NR6A1: variants seen among roughly 807,000 people sequenced by gnomAD.
NR6A1 encodes the protein retinoic acid receptor-related testis-associated receptor.
A neutral mutation model predicts 59.1 loss-of-function variants in NR6A1; 7 were observed. The ratio of observed to expected loss-of-function variants is 0.12; its 90% CI spans 0.07 to 0.22. The LOEUF (loss-of-function observed/expected upper bound fraction) is 0.22, where lower values mean the gene tolerates loss of function less well. Among genes scored for constraint, NR6A1 ranks in the 10% least tolerant of loss-of-function variants. The pLI, the probability that NR6A1 is intolerant of heterozygous loss-of-function variation, is 1.00. For synonymous variants in NR6A1, 243 were observed against 236.1 expected (o/e 1.03, Z -0.27); for missense variants, 468 against 611.6 (o/e 0.77, Z 2.48).
intron 2 of NR6A1, among the ~76,000 whole-genome samples, chr9:124,593,599 T>C (rs1835189841): frequency 6.6e-6 from 1 of 152,238 alleles, no homozygotes; most frequent in African/African-American, 2.4e-5. Context: ...GCCTAATCTT[T>C]GCAAGTTGAG....
chr9:124,696,473 T>C (rs1838766019), intron 2 of NR6A1, among the ~76,000 whole-genome samples: 2 of 151,984 alleles, frequency 1.3e-5, no homozygotes, highest in Non-Finnish European at 2.9e-5. Context: ...TGCATGTATT[T>C]ATACTTAGAG....
chr9:124,722,642 T>C (rs1839596529), intron 2 of NR6A1, among the ~76,000 whole-genome samples: 1 of 152,236 alleles, frequency 6.6e-6, no homozygotes, highest in East Asian at 1.9e-4. Flanking sequence ...TTTTTCATCT[T>C]GCCTGTTCAT....
At chr9:124,728,373 C>T (rs578141043) in intron 2 of NR6A1, among the ~76,000 whole-genome samples, 2 of 151,810 alleles carry the variant, frequency 1.3e-5, no homozygotes, top group South Asian at 2.1e-4. Flanking sequence ...CGGTGGCTCA[C>T]GCCTGTAATC....
intron 2 of NR6A1, among the ~76,000 whole-genome samples, chr9:124,688,629 C>G (rs1220284793): frequency 2.0e-5 from 3 of 152,144 alleles, no homozygotes; most frequent in African/African-American, 4.8e-5. Flanking sequence ...AGTAGCCACT[C>G]GTAACAAGAT....
intron 2 of NR6A1, among the ~76,000 whole-genome samples, chr9:124,652,666 C>A (rs1251051432): frequency 6.6e-6 from 1 of 152,142 alleles, no homozygotes; most frequent in Admixed American, 6.5e-5. Flanking sequence ...AATGCCAGGG[C>A]TGGAGCCAGA....
chr9:124,604,242 C>G (rs1338025837), intron 2 of NR6A1, among the ~76,000 whole-genome samples: 1 of 152,164 alleles, frequency 6.6e-6, no homozygotes, highest in Non-Finnish European at 1.5e-5. Context: ...TGGGCACCTC[C>G]ACCTAGATGT....
At chr9:124,750,763 AAAATAAAT>A (rs541740584) in intron 1 of NR6A1, among the ~76,000 whole-genome samples, 1 of 152,126 alleles carries the variant, frequency 6.6e-6, no homozygotes, top group Non-Finnish European at 1.5e-5. Flanking sequence ...CCGTCTCAAA[AAAATAAAT>A]AAATAAATAA....
chr9:124,573,128 T>C (rs1834491728), intron 2 of NR6A1, among the ~76,000 whole-genome samples: 4 of 152,216 alleles, frequency 2.6e-5, no homozygotes. Context: ...GCTCACAGGA[T>C]CTAGTCTTTG....
At chr9:124,685,647 T>G (rs1215579617) in intron 2 of NR6A1, among the ~76,000 whole-genome samples, 4 of 152,214 alleles carry the variant, frequency 2.6e-5, no homozygotes, top group Non-Finnish European at 5.9e-5. Context: ...TTAATTCTGA[T>G]GCAAAGCAGG....
In NR6A1 at chr9:124,635,303, G is replaced by A. The variant is rs557246656; in HGVS notation, c.143-80733C>T. Among the ~76,000 whole-genome samples the A allele has an allele frequency of 3.7e-4, 56 of 152,262 alleles. No homozygotes were observed. The South Asian group carries it at 0.01, about 28-fold the overall frequency. On this transcript the variant is annotated intron_variant, in intron 2 of 9. Coordinates refer to ENST00000487099, the MANE Select transcript of NR6A1 (RefSeq NM_033334.4). ...TGTGTCCCCACCGAAATCTCACCTT[G>A]AATTGTAATAATCCCCAAGTGTCAA... is the stretch of plus-strand genomic sequence containing the variant.
chr9:124,595,903 C>T, intron 2 of NR6A1: 1 of 997,718 alleles, frequency 1.0e-6, no homozygotes. Flanking sequence ...GTCATCCTCA[C>T]AGGTCAGTTT....
chr9:124,536,609 G>C (rs898628227), intron 6 of NR6A1, among the ~76,000 whole-genome samples: 3 of 151,696 alleles, frequency 2.0e-5, no homozygotes, highest in Non-Finnish European at 4.4e-5. Flanking sequence ...AGATTGCAGT[G>C]AGCTGAGATT....
chr9:124,553,862 A>G (rs1833854019), intron 3 of NR6A1, among the ~76,000 whole-genome samples: 1 of 152,054 alleles, frequency 6.6e-6, no homozygotes, highest in Admixed American at 6.5e-5. Context: ...TCTCAGGCTA[A>G]TGGCTCTTGG....
chr9:124,771,023 TGCGCGGCGGCGGAGGGA>T lies in NR6A1; in HGVS notation c.80_96del (p.Leu27GlnfsTer7). On this transcript the variant is annotated frameshift_variant, in exon 1 of 10. Coordinates refer to ENST00000487099, the MANE Select transcript of NR6A1 (RefSeq NM_033334.4). LOFTEE classifies it high-confidence loss of function. ...GCGTCGCAGGCCCCTCACCCACCGT[TGCGCGGCGGCGGAGGGA>T]GCGCGGCGGGAGGCTCCAGGAACCC... The T allele has an allele frequency of 8.1e-7, 1 of 1,228,962 alleles. No individual in the cohort carries two copies. Among genetic ancestry groups the T allele is most frequent in the Non-Finnish European group, 1.0e-6 (1 of 985,872 alleles). 76.1% of individuals were successfully genotyped at this position (1,228,962 alleles called of 1,614,324 possible).
intron 2 of NR6A1, among the ~76,000 whole-genome samples, chr9:124,629,908 T>C (rs1212237921): frequency 2.0e-5 from 3 of 152,244 alleles, no homozygotes; most frequent in Non-Finnish European, 4.4e-5. Context: ...TTAGGGCAAC[T>C]TTATTTCATT....
At position 124,538,296 on chromosome 9, in the gene NR6A1, A is replaced by T. The variant is rs376013110; in HGVS notation, c.620T>A (p.Phe207Tyr). The change falls in exon 6 of 10, where the codon TTC becomes TAC. Residue 207 changes from phenylalanine (F) to tyrosine (Y), a missense_variant. Around this residue, in one of 4 missense-constraint regions of NR6A1, gnomAD observed 151 missense variants for 142.8 expected, o/e 1.06. Transcript: ENST00000487099. ...SSSRSVELNG[F>Y]MAFREQYMGM... ...CATGTACTGTTCCCTGAAGGCCATG[A>T]ATCCATTCAGTTCCACAGACCTACT... is the stretch of plus-strand genomic sequence containing the variant. 26 of 1,614,012 alleles carry T rather than the reference A, an allele frequency of 1.6e-5. No homozygotes were observed. The Middle Eastern group carries it at 4.9e-4, about 31-fold the overall frequency.
At chr9:124,618,333 A>AT (rs1009471270) in intron 2 of NR6A1, among the ~76,000 whole-genome samples, 5 of 152,100 alleles carry the variant, frequency 3.3e-5, no homozygotes, top group Non-Finnish European at 5.9e-5. Context: ...AATGCAAAAA[A>AT]TTAGATGGGC....
At position 124,696,520 on chromosome 9, in the gene NR6A1, C is replaced by CTTTTT. The variant is rs10625540; in HGVS notation, c.142+36783_142+36787dup. On this transcript the variant is annotated intron_variant, in intron 2 of 9. Transcript: ENST00000487099. ...ACAAATTATACATAATGTTCTCTAG[C>CTTTTT]TTTTTTTTTTTTTTTTTTTTGAGAT... Among the ~76,000 whole-genome samples the CTTTTT allele has an allele frequency of 8.7e-4, 91 of 104,978 alleles. 2 individuals carry two copies. Among genetic ancestry groups the CTTTTT allele is most frequent in the African/African-American group, 1.9e-3 (49 of 25,666 alleles). The allele number at this position is 104,978 out of a possible 152,430, so 68.9% of individuals were successfully genotyped here. A position where few individuals can be genotyped will look rare whatever the true frequency, so the allele number is the denominator to read the frequency against.
intron 1 of NR6A1, among the ~76,000 whole-genome samples, chr9:124,761,215 A>G (rs1840777350): frequency 1.3e-5 from 2 of 152,244 alleles, no homozygotes; most frequent in Admixed American, 6.5e-5. Context: ...TCTTATAACT[A>G]AGCTGCAATC....
Sources: gnomAD v4.1 joint callset for allele counts (sites outside exome capture counted in the v4.1 genomes callset) on GRCh38, gnomAD v4.1.1 for gene constraint, gnomAD v4.1.1 regional missense constraint, MANE v1.5 for transcripts, NCBI Gene and HGNC (gene_info 2026-07-23, HGNC 2026-07-21) for gene names.